The following MAPK6 variants were observed in gnomAD, a reference collection of about 807,000 sequenced individuals.
MAPK6 encodes mitogen-activated protein kinase 6, also known as ERK-3.
MAPK6 carries 19 observed loss-of-function variants against 59.3 expected under a neutral mutation model. The observed-to-expected ratio is 0.32, with a 90% CI of 0.22 to 0.47. MAPK6 has a LOEUF of 0.47. Ranked by LOEUF, MAPK6 falls within the 20% of genes least tolerant of loss-of-function variation. The pLI is 1.00. For synonymous variants in MAPK6, 316 were observed against 290.3 expected (o/e 1.09, Z -0.90); for missense variants, 724 against 847.9 (o/e 0.85, Z 1.81).
intron 1 of MAPK6, among the ~76,000 whole-genome samples, chr15:52,022,385 G>T (rs1018259091): frequency 6.6e-6 from 1 of 151,920 alleles, no homozygotes. Context: ...CTCAGCCTCC[G>T]GAGGAGCTGG....
intron 3 of MAPK6, among the ~76,000 whole-genome samples, chr15:52,051,327 G>C (rs2031771694): frequency 6.6e-6 from 1 of 152,056 alleles, no homozygotes; most frequent in East Asian, 1.9e-4. Flanking sequence ...AAAGTACTGG[G>C]ATTACAGGCG....
rs746252225 is a variant in MAPK6, at chr15:52,064,302, A to G, written c.1468A>G (p.Lys490Glu). ...ACAAAGCAAAGAAAAATCTGATAAG[A>G]AAGGCAAATCAAAATGTGAAAGGAA... ...KEQSKEKSDKKGKSKCERNGL... is the reference protein window; with the variant it reads ...KEQSKEKSDKEGKSKCERNGL... The change falls in exon 6 of 6, where the codon AAA (lysine) becomes GAA (glutamate). Residue 490 changes from lysine (K) to glutamate (E), a missense_variant. By Grantham distance (56) the Lys-to-Glu change is moderately conservative. Coordinates refer to ENST00000261845, the MANE Select transcript of MAPK6 (RefSeq NM_002748.4). The G allele has an allele frequency of 2.5e-6, 4 of 1,610,184 alleles. No individual in the cohort carries two copies. The highest frequency in any genetic ancestry group is 3.4e-6 in the Non-Finnish European group (4 of 1,178,970).
At chr15:52,019,179 G>A (rs1160421086), upstream of MAPK6, 1 of 148,956 alleles carries the variant, frequency 6.7e-6, no homozygotes, top group Non-Finnish European at 1.5e-5. Context: ...GAGTGAGCCT[G>A]TGACGTGAGG....
At chr15:52,011,758 GA>G in intron 3 of MAPK6, among the ~76,000 whole-genome samples, 1 of 152,334 alleles carries the variant, frequency 6.6e-6, no homozygotes, top group Middle Eastern at 3.4e-3. Flanking sequence ...TCCACTGTGA[GA>G]ATGAACTGTA....
chr15:52,037,086 C>T lies in MAPK6; in HGVS notation c.-631-8744C>T, dbSNP rs987759876. On this transcript the variant is annotated intron_variant, in intron 1 of 5. Coordinates refer to ENST00000261845, the MANE Select transcript of MAPK6 (RefSeq NM_002748.4). ...CTTAGGTGGGAGGATCACTTGAGGC[C>T]GGGAGTTCAAGACCAGCCTGGGTAA... Among the ~76,000 whole-genome samples, 9 of 151,894 alleles carry T rather than the reference C, an allele frequency of 5.9e-5. No homozygotes were observed. The East Asian group carries it at 1.5e-3, about 26-fold the overall frequency.
chr15:52,061,259 G>A (rs780444734), intron 4 of MAPK6, 40 bp from the exon 5 acceptor site: 1 of 1,445,560 alleles, frequency 6.9e-7, no homozygotes, highest in Non-Finnish European at 9.7e-7. Flanking sequence ...CTAAAGGTAA[G>A]CAATTCTTTT....
chr15:52,025,268 A>C (rs942004528), intron 1 of MAPK6, among the ~76,000 whole-genome samples: 2 of 152,146 alleles, frequency 1.3e-5, no homozygotes, highest in Non-Finnish European at 2.9e-5. Flanking sequence ...ATAAAAATTA[A>C]AATGATGCAT....
chr15:52,065,260 A>G lies in MAPK6; in HGVS notation c.*260A>G, dbSNP rs542128701. ...AGGAGGAGAAAAGAAATGCACTAAG[A>G]CAAGAACATTCTCTCATAGAACATT... On this transcript the variant is annotated 3_prime_UTR_variant, in exon 6 of 6. Transcript: ENST00000261845. 3.0e-6 allele frequency: 1 copy of G among 338,616 alleles called. No individual in the cohort carries two copies. The highest frequency in any genetic ancestry group is 4.4e-5 in the Admixed American group (1 of 22,610). 21.0% of individuals were successfully genotyped at this position (338,616 alleles called of 1,614,324 possible). A position where few individuals can be genotyped will look rare whatever the true frequency, so the allele number is the denominator to read the frequency against.
intron 5 of MAPK6, 117 bp downstream of exon 5, chr15:52,061,617 G>GTATAAGACATTGTAGAAGTCT: frequency 1.2e-6 from 1 of 806,092 alleles, no homozygotes; most frequent in Non-Finnish European, 1.9e-6. Flanking sequence ...ATTTAGTAAT[G>GTATAAGACATTGTAGAAGTCT]TAAAGATACA....
intron 1 of MAPK6, among the ~76,000 whole-genome samples, chr15:52,019,648 C>G (rs1478739107): frequency 6.8e-6 from 1 of 146,536 alleles, no homozygotes; most frequent in Non-Finnish European, 1.5e-5. Context: ...CGCGTGGGGC[C>G]GGCCAGGCGG....
chr15:52,064,562 A>G lies in MAPK6; in HGVS notation c.1728A>G (p.Glu576=). ...AGTCAGTAAGCCAAGAAAAACAGGA[A>G]AAAGGAATGGCAAATCTGGCTCAAT... is the stretch of plus-strand genomic sequence containing the variant. ...ISKSVSQEKQ[E]KGMANLAQLE... The change falls in exon 6 of 6, where the codon GAA becomes GAG. Residue 576 remains glutamate (E), a synonymous_variant. Transcript: ENST00000261845. 1.2e-6 allele frequency: 2 copies of G among 1,611,654 alleles called. No individual in the cohort carries two copies. The highest frequency in any genetic ancestry group is 1.7e-6 in the Non-Finnish European group (2 of 1,179,716).
chr15:52,028,339 G>A (rs1265169782), intron 1 of MAPK6, among the ~76,000 whole-genome samples: 1 of 152,060 alleles, frequency 6.6e-6, no homozygotes, highest in Non-Finnish European at 1.5e-5. Context: ...CATCTGCCTT[G>A]GCCTCCCAAA....
chr15:52,054,962 A>AT (rs1385060102), intron 3 of MAPK6, among the ~76,000 whole-genome samples: 1 of 152,074 alleles, frequency 6.6e-6, no homozygotes, highest in East Asian at 1.9e-4. Context: ...TAACTTTTGT[A>AT]TTTTTAGTAG....
At chr15:52,030,135 T>C (rs779246642) in intron 1 of MAPK6, among the ~76,000 whole-genome samples, 1 of 152,210 alleles carries the variant, frequency 6.6e-6, no homozygotes, top group Non-Finnish European at 1.5e-5. Flanking sequence ...AATTTGTTGT[T>C]TCCTCTGTTA....
At chr15:52,032,255 A>G (rs1029499048) in intron 1 of MAPK6, among the ~76,000 whole-genome samples, 2 of 147,332 alleles carry the variant, frequency 1.4e-5, no homozygotes, top group African/African-American at 5.1e-5. Context: ...CAGTGGTGCA[A>G]TCTCGGCTCA....
chr15:52,042,665 G>A (rs2031462278), intron 1 of MAPK6: 1 of 152,288 alleles, frequency 6.6e-6, no homozygotes, highest in Non-Finnish European at 1.5e-5. Context: ...TTTTGACAAA[G>A]CATTATTTGT....
chr15:52,037,145 GAAAA>G (rs920660866), intron 1 of MAPK6, among the ~76,000 whole-genome samples: 5 of 151,736 alleles, frequency 3.3e-5, no homozygotes, highest in Admixed American at 1.3e-4. Context: ...AAAAGAAAAA[GAAAA>G]AAAAGTTGAA....
intron 2 of MAPK6, among the ~76,000 whole-genome samples, chr15:51,998,457 AG>A (rs2057231997): frequency 1.3e-5 from 2 of 149,680 alleles, no homozygotes; most frequent in African/African-American, 4.9e-5. Context: ...CACCGGCCTC[AG>A]CCTCATAAAG....
intron 1 of MAPK6, among the ~76,000 whole-genome samples, chr15:52,021,905 T>A (rs2030544390): frequency 6.6e-6 from 1 of 152,216 alleles, no homozygotes; most frequent in Admixed American, 6.5e-5. Flanking sequence ...AAAGATAAGC[T>A]GAATGTACAG....
Sources: gnomAD v4.1 joint callset for allele counts (sites outside exome capture counted in the v4.1 genomes callset) on GRCh38, gnomAD v4.1.1 for gene constraint, MANE v1.5 for transcripts, NCBI Gene and HGNC (gene_info 2026-07-23, HGNC 2026-07-21) for gene names.